PCDH15: variants seen among roughly 807,000 people sequenced by gnomAD.
PCDH15 encodes protocadherin-15.
Under a neutral mutation model 178.5 loss-of-function variants are expected in PCDH15, and 129 were observed. That is an observed-to-expected ratio of 0.72 (90% CI 0.63 to 0.84). The LOEUF is 0.84. Ranked by LOEUF, PCDH15 falls within the 40% of genes least tolerant of loss-of-function variation. The probability of loss-of-function intolerance (pLI) is 0.00; values close to 1 mark genes in which losing one functional copy is unlikely to be tolerated. For synonymous variants in PCDH15, 800 were observed against 732.0 expected (o/e 1.09, Z -1.50); for missense variants, 2,230 against 2,099.9 (o/e 1.06, Z -1.21).
At chr10:54,892,501 A>G (rs1156343891) in intron 3 of PCDH15, among the ~76,000 whole-genome samples, 2 of 151,950 alleles carry the variant, frequency 1.3e-5, no homozygotes, top group Admixed American at 1.3e-4. Flanking sequence ...TCAAAAGAAA[A>G]GAGTAAAGAG....
intron 15 of PCDH15, among the ~76,000 whole-genome samples, chr10:54,094,881 C>G (rs944106129): frequency 6.6e-6 from 1 of 152,092 alleles, no homozygotes; most frequent in African/African-American, 2.4e-5. Flanking sequence ...TTTTCAGAAG[C>G]ACCAATAGGG....
intron 2 of PCDH15, among the ~76,000 whole-genome samples, chr10:54,901,269 G>A (rs192302195): frequency 6.6e-6 from 1 of 152,188 alleles, no homozygotes; most frequent in East Asian, 1.9e-4. Context: ...GATAGAGTGA[G>A]ACCCTGTCTC....
chr10:55,278,058 A>T (rs1842639642), intron 1 of PCDH15, among the ~76,000 whole-genome samples: 2 of 152,162 alleles, frequency 1.3e-5, no homozygotes, highest in African/African-American at 4.8e-5. Flanking sequence ...GTCTGAATGG[A>T]CAGAAAAAGA....
At chr10:55,093,322 A>T (rs894987331) in intron 2 of PCDH15, among the ~76,000 whole-genome samples, 7 of 152,116 alleles carry the variant, frequency 4.6e-5, no homozygotes, top group African/African-American at 1.7e-4. Flanking sequence ...AGTTTTACCT[A>T]TGTCAAATAA....
intron 5 of PCDH15, among the ~76,000 whole-genome samples, chr10:54,347,561 CAA>C (rs1173229551): frequency 6.6e-6 from 1 of 151,974 alleles, no homozygotes; most frequent in Non-Finnish European, 1.5e-5. Flanking sequence ...TAAGAGGCAA[CAA>C]AAAAGTTGCC....
At chr10:54,463,659 C>G (rs12243660) in intron 3 of PCDH15, among the ~76,000 whole-genome samples, 2 of 152,040 alleles carry the variant, frequency 1.3e-5, no homozygotes, top group Admixed American at 1.3e-4. Flanking sequence ...ATTTTTTTCA[C>G]CATCCTGGAA....
At chr10:55,325,117 A>T (rs1479898963) in intron 2 of PCDH15, among the ~76,000 whole-genome samples, 1 of 152,182 alleles carries the variant, frequency 6.6e-6, no homozygotes, top group African/African-American at 2.4e-5. Flanking sequence ...GGACAGGAAG[A>T]AGCAATATTG....
At chr10:55,274,767 C>T (rs1043088113) in intron 1 of PCDH15, among the ~76,000 whole-genome samples, 15 of 152,010 alleles carry the variant, frequency 9.9e-5, no homozygotes, top group Non-Finnish European at 1.6e-4. Flanking sequence ...TGGTTGGTTT[C>T]GGGATGAAAC....
At chr10:54,421,897 A>ATATATATATATACAC (rs1955522568) in intron 3 of PCDH15, among the ~76,000 whole-genome samples, 1 of 75,934 alleles carries the variant, frequency 1.3e-5, no homozygotes, top group Admixed American at 1.2e-4. Flanking sequence ...CACACACACT[A>ATATATATATATACAC]TATATATATA....
At chr10:54,777,015 C>G (rs1341671683) in intron 1 of PCDH15, among the ~76,000 whole-genome samples, 1 of 151,934 alleles carries the variant, frequency 6.6e-6, no homozygotes, top group Non-Finnish European at 1.5e-5. Context: ...TAATGTGAAT[C>G]CTCTTCTCAT....
At chr10:54,228,433 C>T (rs2053693151) in intron 9 of PCDH15, among the ~76,000 whole-genome samples, 1 of 152,082 alleles carries the variant, frequency 6.6e-6, no homozygotes, top group Admixed American at 6.5e-5. Flanking sequence ...CAATTACCTC[C>T]CACCTTGTCC....
At chr10:55,601,938 C>T (rs184589040) in intron 2 of PCDH15, among the ~76,000 whole-genome samples, 4,657 of 152,154 alleles carry the variant, frequency 0.031, 114 homozygotes, top group Non-Finnish European at 0.048. Flanking sequence ...GCGTGAGCGA[C>T]GCAGAAGACG....
chr10:54,817,100 A>C (rs953887604), intron 3 of PCDH15, among the ~76,000 whole-genome samples: 8 of 152,044 alleles, frequency 5.3e-5, no homozygotes, highest in Admixed American at 2.0e-4. Flanking sequence ...ACTCATTAAA[A>C]TAATATTTAA....
intron 3 of PCDH15, among the ~76,000 whole-genome samples, chr10:54,513,491 A>G (rs928385106): frequency 6.6e-6 from 1 of 152,068 alleles, no homozygotes; most frequent in African/African-American, 2.4e-5. Context: ...TCACATTAGA[A>G]TATTGTTATA....
intron 9 of PCDH15, among the ~76,000 whole-genome samples, chr10:54,222,891 A>G (rs771876526): frequency 1.3e-4 from 20 of 152,224 alleles, no homozygotes; most frequent in Admixed American, 2.6e-4. Flanking sequence ...TCGCAAATAC[A>G]TTCTCCTTTT....
At chr10:54,757,865 G>A (rs1456688976) in intron 1 of PCDH15, among the ~76,000 whole-genome samples, 2 of 152,046 alleles carry the variant, frequency 1.3e-5, no homozygotes, top group African/African-American at 4.8e-5. Context: ...AAACATCATG[G>A]GATGCAAGCA....
intron 2 of PCDH15, among the ~76,000 whole-genome samples, chr10:55,463,366 G>A (rs1417732864): frequency 6.6e-6 from 1 of 152,054 alleles, no homozygotes; most frequent in African/African-American, 2.4e-5. Context: ...AAAATGGAAG[G>A]CCGAGCACAG....
intron 18 of PCDH15, among the ~76,000 whole-genome samples, chr10:54,045,331 A>G (rs1007519196): frequency 2.0e-5 from 3 of 152,142 alleles, no homozygotes; most frequent in Non-Finnish European, 4.4e-5. Context: ...GAGATGACAT[A>G]GTAAGGGTCC....
chr10:54,726,080 T>C (rs914390073), intron 1 of PCDH15, among the ~76,000 whole-genome samples: 1 of 151,518 alleles, frequency 6.6e-6, no homozygotes, highest in Non-Finnish European at 1.5e-5. Context: ...ATAAGAGCTT[T>C]ACATTTTATC....
Sources: gnomAD v4.1 joint callset for allele counts (sites outside exome capture counted in the v4.1 genomes callset) on GRCh38, gnomAD v4.1.1 for gene constraint, MANE v1.5 for transcripts, NCBI Gene and HGNC (gene_info 2026-07-23, HGNC 2026-07-21) for gene names.